Variants in NUDT21 observed in about 807,000 individuals in gnomAD.
The protein encoded by NUDT21 is cleavage and polyadenylation specificity factor subunit 5.
In NUDT21, 5 loss-of-function variants were observed where a neutral mutation model predicts 29.8. The observed-to-expected ratio is 0.17, with a 90% CI of 0.09 to 0.35. NUDT21 has a LOEUF of 0.35. NUDT21 is among the 10% of genes least tolerant of loss of function. NUDT21 has a pLI of 1.00. For synonymous variants in NUDT21, 113 were observed against 98.5 expected (o/e 1.15, Z -0.87); for missense variants, 76 against 276.0 (o/e 0.28, Z 5.13).
chr16:56,446,902 C>T lies in NUDT21; in HGVS notation c.318-213G>A, dbSNP rs541153976. On this transcript the variant is annotated intron_variant, in intron 2 of 6. Coordinates refer to ENST00000300291, the MANE Select transcript of NUDT21 (RefSeq NM_007006.3). ...ACAAACCCTAGGTTTTTTTCCTCTTCGTATATATTTATTTTTATTTTATTG... is the reference window on the plus strand; with the variant it reads ...ACAAACCCTAGGTTTTTTTCCTCTTTGTATATATTTATTTTTATTTTATTG... 7.9e-4 allele frequency: 319 copies of T among 406,306 alleles called. 1 individual carries two copies. The highest frequency in any genetic ancestry group is 1.3e-3 in the Non-Finnish European group (293 of 230,146). The allele number at this position is 406,306 out of a possible 1,614,324, so 25.2% of individuals were successfully genotyped here. A position where few individuals can be genotyped will look rare whatever the true frequency, so the allele number is the denominator to read the frequency against.
intron 3 of NUDT21, among the ~76,000 whole-genome samples, chr16:56,444,460 T>C (rs1346239455): frequency 6.6e-6 from 1 of 151,910 alleles, no homozygotes; most frequent in East Asian, 1.9e-4. Flanking sequence ...AGTGGGCACC[T>C]GTAATCCCAG....
At chr16:56,436,987 A>C (rs908839882) in intron 4 of NUDT21, among the ~76,000 whole-genome samples, 1 of 152,344 alleles carries the variant, frequency 6.6e-6, no homozygotes. Context: ...AGCATTTTCC[A>C]ATTAGATCAA....
At chr16:56,438,711 A>AAACAGCTACATATTCAAC (rs1962129740) in intron 4 of NUDT21, among the ~76,000 whole-genome samples, 1 of 152,044 alleles carries the variant, frequency 6.6e-6, no homozygotes, top group Non-Finnish European at 1.5e-5. Flanking sequence ...CACACAGGGG[A>AAACAGCTACATATTCAAC]AACAGCTACA....
In NUDT21 at chr16:56,447,977, G is replaced by A. The variant is rs759325320; in HGVS notation, c.129C>T (p.Thr43=). Residue 43 remains threonine, a synonymous_variant, in exon 2 of 7, where the codon ACC becomes ACT. Coordinates refer to ENST00000300291, the MANE Select transcript of NUDT21 (RefSeq NM_007006.3). ...GCTCTTTTGTACCAAAAGTATAATT[G>A]GTAAGAGGGTACCTGTGATCCGAAG... ...LERTINLYPL[T]NYTFGTKEPL... is the part of the protein sequence containing the mutation. The A allele has an allele frequency of 5.0e-6, 8 of 1,613,476 alleles. No individual in the cohort carries two copies. The East Asian group carries it at 1.1e-4, about 22-fold the overall frequency.
chr16:56,447,754 A>T lies in NUDT21; in HGVS notation c.317+35T>A, dbSNP rs779096253. Reference sequence around the variant, plus strand: ...GCTGCATAAACAGCAATCCTACTAAAAACTGTCTTGCTGTTAATTTCCAAC... The same window carrying T: ...GCTGCATAAACAGCAATCCTACTAATAACTGTCTTGCTGTTAATTTCCAAC... On this transcript the variant is annotated intron_variant, in intron 2 of 6. Coordinates refer to ENST00000300291, the MANE Select transcript of NUDT21 (RefSeq NM_007006.3). 1.9e-6 allele frequency: 3 copies of T among 1,597,728 alleles called. No individual in the cohort carries two copies. In the South Asian group the frequency reaches 3.3e-5, roughly 18 times the overall value.
At chr16:56,442,360 CCA>C (rs1480748209) in intron 3 of NUDT21, among the ~76,000 whole-genome samples, 1 of 152,104 alleles carries the variant, frequency 6.6e-6, no homozygotes, top group East Asian at 1.9e-4. Flanking sequence ...TAACTTTTAC[CCA>C]CACACTTGAT....
At position 56,448,113 on chromosome 16, in the gene NUDT21, T is replaced by C. The variant is rs566042676; in HGVS notation, c.117-124A>G. 2.8e-3 allele frequency: 2,042 copies of C among 741,012 alleles called. 5 individuals carry two copies. The highest frequency in any genetic ancestry group is 3.8e-3 in the Non-Finnish European group (1,746 of 460,652). The allele number at this position is 741,012 out of a possible 1,614,324, so 45.9% of individuals were successfully genotyped here. A position where few individuals can be genotyped will look rare whatever the true frequency, so the allele number is the denominator to read the frequency against. ...ATATTGTACTCAGACACAGGATTTG[T>C]ACAGTTAACTAAAGTTAATGAAACA... On this transcript the variant is annotated intron_variant, in intron 1 of 6. Transcript: ENST00000300291.
chr16:56,432,516 A>C lies in NUDT21; in HGVS notation c.*196T>G, dbSNP rs1962045642. 2.4e-6 allele frequency: 1 copy of C among 421,396 alleles called. No individual in the cohort carries two copies. Among genetic ancestry groups the C allele is most frequent in the African/African-American group, 2.0e-5 (1 of 48,840 alleles). 26.1% of individuals were successfully genotyped at this position (421,396 alleles called of 1,614,324 possible). A position where few individuals can be genotyped will look rare whatever the true frequency, so the allele number is the denominator to read the frequency against. On this transcript the variant is annotated 3_prime_UTR_variant, in exon 7 of 7. Transcript: ENST00000300291. ...GTATGAGCAGAACCGAAAGTAAATAAACATTATCACATTTGTTTACACCAC... is the reference window on the plus strand; with the variant it reads ...GTATGAGCAGAACCGAAAGTAAATACACATTATCACATTTGTTTACACCAC...
intron 4 of NUDT21, among the ~76,000 whole-genome samples, chr16:56,437,974 A>T (rs1281786134): frequency 6.6e-6 from 1 of 152,224 alleles, no homozygotes; most frequent in Admixed American, 6.5e-5. Flanking sequence ...ATGAATTCAT[A>T]GACCAGGAAA....
Position 56,432,427 on chromosome 16 carries a change from T to G in NUDT21, c.*285A>C. 2 of 287,150 alleles carry G rather than the reference T, an allele frequency of 7.0e-6. No individual in the cohort carries two copies. Among genetic ancestry groups the G allele is most frequent in the Non-Finnish European group, 1.3e-5 (2 of 154,054 alleles). 17.8% of individuals were successfully genotyped at this position (287,150 alleles called of 1,614,324 possible). ...GAAAAATGATCCTCACCTATAAGAATTTTAGAAGTTTAATGAGAAATTAAA... is the reference window on the plus strand; with the variant it reads ...GAAAAATGATCCTCACCTATAAGAAGTTTAGAAGTTTAATGAGAAATTAAA... On this transcript the variant is annotated 3_prime_UTR_variant, in exon 7 of 7. Transcript: ENST00000300291.
intron 3 of NUDT21, among the ~76,000 whole-genome samples, chr16:56,441,245 T>G (rs559661569): frequency 2.0e-4 from 30 of 151,750 alleles, no homozygotes; most frequent in Middle Eastern, 3.5e-3. Flanking sequence ...TTATTTTATT[T>G]TATTTTTTTG....
At chr16:56,433,634 G>A (rs9925087) in intron 6 of NUDT21, among the ~76,000 whole-genome samples, 2 of 152,116 alleles carry the variant, frequency 1.3e-5, no homozygotes, top group African/African-American at 4.8e-5. Flanking sequence ...CCAAAATATA[G>A]TAAGTTTCAA....
intron 1 of NUDT21, among the ~76,000 whole-genome samples, chr16:56,448,786 C>T (rs1434453077): frequency 1.3e-5 from 2 of 152,104 alleles, no homozygotes; most frequent in Non-Finnish European, 2.9e-5. Context: ...TAATTAAAGC[C>T]TTACAGCAAG....
chr16:56,451,319 C>T lies in NUDT21; in HGVS notation c.-117G>A. 1 of 860,782 alleles carries T rather than the reference C, an allele frequency of 1.2e-6. No homozygotes were observed. The allele number at this position is 860,782 out of a possible 1,614,324, so 53.3% of individuals were successfully genotyped here. A position where few individuals can be genotyped will look rare whatever the true frequency, so the allele number is the denominator to read the frequency against. On this transcript the variant is annotated 5_prime_UTR_variant, in exon 1 of 7. Coordinates refer to ENST00000300291, the MANE Select transcript of NUDT21 (RefSeq NM_007006.3). ...CGGCTACTGCCCGCCATTAACAGGA[C>T]AGCGCAAGAGGAGGCGTAGGCACGC...
intron 3 of NUDT21, among the ~76,000 whole-genome samples, chr16:56,441,391 C>G (rs1372931395): frequency 1.3e-5 from 2 of 152,012 alleles, no homozygotes; most frequent in Admixed American, 6.5e-5. Context: ...TGCCCGCCAC[C>G]ACACCCAGCT....
chr16:56,435,089 C>T (rs961410631), intron 4 of NUDT21: 14 of 270,244 alleles, frequency 5.2e-5, no homozygotes, highest in Admixed American at 2.7e-4. Context: ...TAATGAAGTC[C>T]GATTTTAATT....
In NUDT21 at chr16:56,446,580, T is replaced by C. The variant is rs755221654; in HGVS notation, c.381+46A>G. The C allele has an allele frequency of 3.6e-6, 4 of 1,096,610 alleles. No individual in the cohort carries two copies. In the African/African-American group the frequency reaches 6.4e-5, roughly 18 times the overall value. The allele number at this position is 1,096,610 out of a possible 1,614,324, so 67.9% of individuals were successfully genotyped here. On this transcript the variant is annotated intron_variant, in intron 3 of 6. Coordinates refer to ENST00000300291, the MANE Select transcript of NUDT21 (RefSeq NM_007006.3). ...TTTTTACAAGACATTAAAAGCCAAA[T>C]AACTAGTAAGTTGATGGTATTCAAA...
chr16:56,447,615 A>G, intron 2 of NUDT21, 174 bp downstream of exon 2: 2 of 604,468 alleles, frequency 3.3e-6, no homozygotes, highest in South Asian at 4.0e-5. Context: ...TAGTTAGGAA[A>G]ATAAATGAGC....
At chr16:56,441,943 G>A (rs1484055063) in intron 3 of NUDT21, among the ~76,000 whole-genome samples, 2 of 152,048 alleles carry the variant, frequency 1.3e-5, no homozygotes, top group African/African-American at 4.8e-5. Context: ...AGGCTGGAGC[G>A]CAATGGCGCG....
Sources: gnomAD v4.1 joint callset for allele counts (sites outside exome capture counted in the v4.1 genomes callset) on GRCh38, gnomAD v4.1.1 for gene constraint, MANE v1.5 for transcripts, NCBI Gene and HGNC (gene_info 2026-07-23, HGNC 2026-07-21) for gene names.